Variants in BAZ1B observed in about 807,000 individuals in gnomAD.
BAZ1B encodes tyrosine-protein kinase BAZ1B.
Under a neutral mutation model 153.8 loss-of-function variants are expected in BAZ1B, and 22 were observed. The ratio of observed to expected loss-of-function variants is 0.14; its 90% CI spans 0.10 to 0.20. The LOEUF (loss-of-function observed/expected upper bound fraction) is 0.20. Among genes scored for constraint, BAZ1B ranks in the 10% least tolerant of loss-of-function variants. The probability of loss-of-function intolerance (pLI) is 1.00; values close to 1 mark genes in which losing one functional copy is unlikely to be tolerated. For synonymous variants in BAZ1B, 676 were observed against 633.4 expected, an observed-to-expected ratio of 1.07 and a Z score of -1.01; for missense variants, 1,325 against 1,799.3, an observed-to-expected ratio of 0.74 and a Z score of 4.77.
intron 6 of BAZ1B, among the ~76,000 whole-genome samples, chr7:73,482,486 A>G (rs1007926511): frequency 3.3e-5 from 5 of 152,224 alleles, no homozygotes; most frequent in Admixed American, 6.5e-5. Context: ...AACAGATTAT[A>G]TATTTAAAGT....
At chr7:73,481,942 G>A (rs1789218459) in intron 6 of BAZ1B, among the ~76,000 whole-genome samples, 1 of 152,166 alleles carries the variant, frequency 6.6e-6, no homozygotes, top group African/African-American at 2.4e-5. Flanking sequence ...GGGAAGCTGA[G>A]GCAGGAGAAT....
intron 5 of BAZ1B, among the ~76,000 whole-genome samples, chr7:73,490,432 C>G (rs571776755): frequency 1.3e-5 from 2 of 152,202 alleles, no homozygotes; most frequent in South Asian, 4.1e-4. Flanking sequence ...TAGGAGCTAC[C>G]TACCATTCAC....
At chr7:73,519,948 T>C (rs556701259) in intron 1 of BAZ1B, among the ~76,000 whole-genome samples, 22 of 151,122 alleles carry the variant, frequency 1.5e-4, no homozygotes, top group Middle Eastern at 3.4e-3. Context: ...GGCTCACGCC[T>C]GTTAATCCCA....
At chr7:73,481,348 T>C (rs1789189813) in intron 6 of BAZ1B, among the ~76,000 whole-genome samples, 1 of 151,724 alleles carries the variant, frequency 6.6e-6, no homozygotes, top group African/African-American at 2.4e-5. Context: ...ACCCCATCTC[T>C]AGTAAAAATA....
intron 6 of BAZ1B, 98 bp from the exon 7 acceptor site, chr7:73,478,667 G>A: frequency 9.7e-7 from 1 of 1,028,864 alleles, no homozygotes; most frequent in Non-Finnish European, 1.3e-6. Context: ...AGCTATTCAG[G>A]TAAAGCTACA....
intron 2 of BAZ1B, 38 bp downstream of exon 2, chr7:73,510,698 T>G: frequency 6.4e-7 from 1 of 1,562,594 alleles, no homozygotes; most frequent in East Asian, 2.2e-5. Context: ...CCTAACAATG[T>G]GAAGATGGTG....
intron 6 of BAZ1B, among the ~76,000 whole-genome samples, chr7:73,481,565 C>T (rs958180428): frequency 1.3e-5 from 2 of 148,592 alleles, no homozygotes; most frequent in Non-Finnish European, 3.0e-5. Context: ...ATGAGAGAAA[C>T]GAGCCCACAG....
intron 2 of BAZ1B, among the ~76,000 whole-genome samples, chr7:73,509,233 A>C (rs1229777717): frequency 6.6e-6 from 1 of 151,848 alleles, no homozygotes; most frequent in East Asian, 1.9e-4. Flanking sequence ...GAGGCAGGAG[A>C]ATCACTTGAA....
chr7:73,512,898 C>T (rs1169558331), intron 1 of BAZ1B, among the ~76,000 whole-genome samples: 4 of 152,170 alleles, frequency 2.6e-5, no homozygotes, highest in African/African-American at 9.7e-5. Context: ...CCTACCTTAG[C>T]CTCCTGAATA....
intron 7 of BAZ1B, among the ~76,000 whole-genome samples, chr7:73,472,897 T>C (rs1310377997): frequency 2.0e-5 from 3 of 150,020 alleles, no homozygotes; most frequent in African/African-American, 7.3e-5. Context: ...GCTGGAATTA[T>C]AGGCCGAGTA....
intron 6 of BAZ1B, among the ~76,000 whole-genome samples, chr7:73,485,824 T>C (rs1433799992): frequency 6.6e-6 from 1 of 152,194 alleles, no homozygotes; most frequent in African/African-American, 2.4e-5. Context: ...TAAAGTATTA[T>C]TTTCTTCTTA....
chr7:73,490,410 TAA>T (rs1291358036), intron 5 of BAZ1B, among the ~76,000 whole-genome samples: 1 of 152,152 alleles, frequency 6.6e-6, no homozygotes, highest in Non-Finnish European at 1.5e-5. Flanking sequence ...AAATTTTTTT[TAA>T]AAAGTCACTT....
intron 1 of BAZ1B, among the ~76,000 whole-genome samples, chr7:73,518,792 T>C (rs782154086): frequency 2.6e-5 from 4 of 152,234 alleles, no homozygotes; most frequent in Non-Finnish European, 4.4e-5. Flanking sequence ...CTCATTATCA[T>C]ACCCTCAATA....
intron 13 of BAZ1B, among the ~76,000 whole-genome samples, chr7:73,452,724 G>GAAA (rs1268068593): frequency 1.2e-5 from 1 of 81,908 alleles, no homozygotes; most frequent in Non-Finnish European, 2.4e-5. Context: ...TTCATCTCGA[G>GAAA]AAAAAAAAAA....
rs1788719694 is a variant in BAZ1B at position 73,469,579 on chromosome 7, T to C, written c.2804A>G (p.Tyr935Cys). The change falls in exon 9 of 20, where the codon TAC becomes TGC. Residue 935 changes from tyrosine (Y) to cysteine (C), a missense_variant. Physicochemically the swap from Tyr to Cys is radical, Grantham distance 194. Coordinates refer to ENST00000339594, the MANE Select transcript of BAZ1B (RefSeq NM_032408.4). ...GTCTTTGCAGTGATGGTTGAATCGG[T>C]AGTCAATGCTGTCATGTACCCAGCC... ...EKGWVHDSID[Y>C]RFNHHCKDHT... The C allele has an allele frequency of 1.2e-6, 2 of 1,614,150 alleles. No homozygotes were observed. The highest frequency in any genetic ancestry group is 1.1e-5 in the South Asian group (1 of 91,090).
chr7:73,516,077 G>A (rs1583961401), intron 1 of BAZ1B, among the ~76,000 whole-genome samples: 1 of 152,184 alleles, frequency 6.6e-6, no homozygotes, highest in East Asian at 1.9e-4. Context: ...AACCCAGGAG[G>A]TGGAGGTTGC....
intron 3 of BAZ1B, 28 bp from the exon 4 acceptor site, chr7:73,498,726 G>C (rs111322646): frequency 1.2e-6 from 2 of 1,601,122 alleles, no homozygotes; most frequent in African/African-American, 1.3e-5. Context: ...GAGAAAATCA[G>C]AGATAATAAA....
chr7:73,490,131 A>C (rs2116381397), intron 5 of BAZ1B, among the ~76,000 whole-genome samples: 1 of 152,280 alleles, frequency 6.6e-6, no homozygotes, highest in Non-Finnish European at 1.5e-5. Context: ...TACTATTAAA[A>C]TGCAGATGTT....
intron 3 of BAZ1B, among the ~76,000 whole-genome samples, chr7:73,506,409 G>A (rs1790342728): frequency 6.6e-6 from 1 of 151,616 alleles, no homozygotes. Context: ...TGAGGCAGGA[G>A]AATGGCGTGA....
Sources: allele counts gnomAD v4.1 joint callset (sites outside exome capture counted in the v4.1 genomes callset), GRCh38; gene constraint gnomAD v4.1.1; transcripts MANE v1.5; gene names NCBI Gene and HGNC (gene_info 2026-07-23, HGNC 2026-07-21).